Variants in DGCR2 observed in about 807,000 individuals in gnomAD.
DGCR2 encodes the protein DiGeorge syndrome critical region gene 2, also known as integral membrane protein DGCR2/IDD.
Under a neutral mutation model 51.6 loss-of-function variants are expected in DGCR2, and 24 were observed. That is an observed-to-expected ratio of 0.47 (90% confidence interval 0.34 to 0.65). The LOEUF is 0.65. DGCR2 is among the 30% of genes least tolerant of loss of function. The pLI is 0.01. For synonymous variants in DGCR2, 340 were observed against 315.4 expected (o/e 1.08, Z -0.82); for missense variants, 765 against 772.1 (o/e 0.99, Z 0.11).
At chr22:19,069,385 G>A (rs1209297903) in intron 2 of DGCR2, among the ~76,000 whole-genome samples, 1 of 152,170 alleles carries the variant, frequency 6.6e-6, no homozygotes, top group Non-Finnish European at 1.5e-5. Flanking sequence ...AAATCCACAT[G>A]CTTTTTTGCT....
intron 1 of DGCR2, among the ~76,000 whole-genome samples, chr22:19,096,589 TA>T (rs2083142460): frequency 6.9e-6 from 1 of 144,714 alleles, no homozygotes; most frequent in South Asian, 2.2e-4. Context: ...ACTGTGTCCA[TA>T]AAGTTAACAA....
intron 2 of DGCR2, among the ~76,000 whole-genome samples, chr22:19,074,128 T>C (rs1202922016): frequency 1.3e-5 from 2 of 152,140 alleles, no homozygotes. Flanking sequence ...TGGCAATTTC[T>C]TAAAAAATTA....
chr22:19,046,845 C>T, intron 7 of DGCR2: 1 of 318,166 alleles, frequency 3.1e-6, no homozygotes, highest in Non-Finnish European at 6.7e-6. Context: ...TGGGGCTGGG[C>T]AGGCTCTTTA....
At chr22:19,055,786 G>A (rs5993486) in intron 6 of DGCR2, 12,800 of 152,544 alleles carry the variant, frequency 0.084, 1,534 homozygotes, top group African/African-American at 0.26. Context: ...CCACCTGGGA[G>A]GAGCTGCCGC....
In DGCR2 at chr22:19,036,715, A is replaced by G. The variant is rs2082372969; in HGVS notation, c.*2150T>C. ...CCATGTGGACCTTCTGCCTGGCCCA[A>G]CGTGCCAGTGGCCTGAGTGCTTGTG... On this transcript the variant is annotated 3_prime_UTR_variant, in exon 10 of 10. Coordinates refer to ENST00000263196, the MANE Select transcript of DGCR2 (RefSeq NM_005137.3). The G allele has an allele frequency of 6.7e-6, 1 of 149,816 alleles. No homozygotes were observed. Among genetic ancestry groups the G allele is most frequent in the African/African-American group, 2.5e-5 (1 of 40,496 alleles). The allele number at this position is 149,816 out of a possible 1,614,324, so 9.3% of individuals were successfully genotyped here. A position where few individuals can be genotyped will look rare whatever the true frequency, so the allele number is the denominator to read the frequency against.
intron 1 of DGCR2, among the ~76,000 whole-genome samples, chr22:19,089,841 G>A (rs868580136): frequency 5.3e-5 from 8 of 152,196 alleles, no homozygotes; most frequent in African/African-American, 1.4e-4. Flanking sequence ...TCGGCCTCCC[G>A]AAGTGCCAGG....
intron 2 of DGCR2, among the ~76,000 whole-genome samples, chr22:19,085,967 T>A (rs535018613): frequency 6.6e-6 from 1 of 152,106 alleles, no homozygotes; most frequent in Non-Finnish European, 1.5e-5. Context: ...AGTTTCCTTT[T>A]TTGAGAGGGG....
intron 1 of DGCR2, among the ~76,000 whole-genome samples, chr22:19,095,380 G>A (rs1207920857): frequency 6.6e-6 from 1 of 151,846 alleles, no homozygotes; most frequent in East Asian, 1.9e-4. Context: ...CAAAAAACTT[G>A]GCCAGGCGCG....
At chr22:19,044,219 C>A (rs895676905) in intron 7 of DGCR2, among the ~76,000 whole-genome samples, 1 of 152,186 alleles carries the variant, frequency 6.6e-6, no homozygotes, top group African/African-American at 2.4e-5. Flanking sequence ...AAGAAGAGAG[C>A]CTGCCCCAGA....
intron 2 of DGCR2, among the ~76,000 whole-genome samples, chr22:19,081,690 C>G (rs886899894): frequency 6.6e-6 from 1 of 152,164 alleles, no homozygotes; most frequent in Non-Finnish European, 1.5e-5. Context: ...CCAGAGTTTC[C>G]CTAAATAGAA....
intron 1 of DGCR2, among the ~76,000 whole-genome samples, chr22:19,119,363 C>A (rs2146066820): frequency 6.6e-6 from 1 of 152,288 alleles, no homozygotes; most frequent in South Asian, 2.1e-4. Flanking sequence ...TAGCAGGGAC[C>A]TCTTGAGAGT....
At chr22:19,112,352 A>G (rs2083326098) in intron 1 of DGCR2, among the ~76,000 whole-genome samples, 1 of 152,184 alleles carries the variant, frequency 6.6e-6, no homozygotes, top group South Asian at 2.1e-4. Context: ...TAGTGTAATG[A>G]AAGAGGGGCT....
chr22:19,062,781 T>TCTCTCTCTC (rs2082689763), intron 5 of DGCR2, among the ~76,000 whole-genome samples: 1 of 135,776 alleles, frequency 7.4e-6, no homozygotes, highest in South Asian at 2.5e-4. Context: ...GCATGCTCAC[T>TCTCTCTCTC]CTCTCTCTCT....
chr22:19,061,104 A>G (rs1306035019), intron 5 of DGCR2: 1 of 215,842 alleles, frequency 4.6e-6, no homozygotes, highest in Non-Finnish European at 9.6e-6. Context: ...AATGAGTAAC[A>G]AATGACTTAC....
At chr22:19,063,315 G>A (rs762391509) in intron 4 of DGCR2, 37 bp from the exon 5 acceptor site, 3 of 1,586,352 alleles carry the variant, frequency 1.9e-6, no homozygotes, top group Admixed American at 1.7e-5. Context: ...GATCTCAGCG[G>A]CAGGAGGGAT....
chr22:19,061,011 T>C (rs1354355649), intron 5 of DGCR2: 3 of 246,406 alleles, frequency 1.2e-5, no homozygotes, highest in Admixed American at 9.9e-5. Context: ...GAAAGAAACA[T>C]TTTTCAACAT....
chr22:19,108,569 T>TCA (rs2083282674), intron 1 of DGCR2, among the ~76,000 whole-genome samples: 1 of 90,724 alleles, frequency 1.1e-5, no homozygotes, highest in Admixed American at 1.3e-4. Flanking sequence ...AGAATTTATC[T>TCA]AAAAAAAAAA....
intron 7 of DGCR2, among the ~76,000 whole-genome samples, chr22:19,044,582 A>G (rs2082468352): frequency 6.6e-6 from 1 of 152,198 alleles, no homozygotes; most frequent in South Asian, 2.1e-4. Flanking sequence ...GGGCTGCCCG[A>G]CAGCAGCAGA....
chr22:19,083,692 CCCCCCT>C (rs1276601431), intron 2 of DGCR2, among the ~76,000 whole-genome samples: 7 of 80,234 alleles, frequency 8.7e-5, no homozygotes, highest in East Asian at 7.9e-4. Flanking sequence ...CTCTCCCTCT[CCCCCCT>C]CCCCCTCCCC....
Sources: allele counts gnomAD v4.1 joint callset (sites outside exome capture counted in the v4.1 genomes callset), GRCh38; gene constraint gnomAD v4.1.1; transcripts MANE v1.5; gene names NCBI Gene and HGNC (gene_info 2026-07-23, HGNC 2026-07-21).